FAAP20: variants seen among roughly 807,000 people sequenced by gnomAD.
FAAP20 encodes the protein FA core complex associated protein 20.
A neutral mutation model predicts 16.2 loss-of-function variants in FAAP20; 12 were observed. That is an observed-to-expected ratio of 0.74 (90% CI 0.48 to 1.20). The LOEUF is 1.20. FAAP20 is among the 50% of genes most tolerant of loss of function. FAAP20 has a pLI of 0.00. For missense variants in FAAP20, 288 were observed against 245.8 expected (o/e 1.17, Z -1.15); for synonymous variants, 141 against 110.7 (o/e 1.27, Z -1.72).
chr1:2,192,692 C>T (rs1557779664), intron 3 of FAAP20: 28 of 1,190,548 alleles, frequency 2.4e-5, no homozygotes, highest in Non-Finnish European at 2.9e-5. Context: ...TACTTCACTA[C>T]AGCCTCCAAT....
At chr1:2,196,786 GC>G (rs200339289), upstream of FAAP20, among the ~76,000 whole-genome samples, 2,161 of 152,322 alleles carry the variant, frequency 0.014, 23 homozygotes, top group Non-Finnish European at 0.024. This position sits in a 1 kb window ranked among gnomAD's most constrained non-coding sequence, Gnocchi z 4.5. Context: ...GTTGTGGTGA[GC>G]CAAGATCGCA....
chr1:2,198,284 G>C, upstream of FAAP20: 1 of 840,092 alleles, frequency 1.2e-6, no homozygotes, highest in African/African-American at 1.8e-5. Context: ...TGATCGAGTG[G>C]GTGGGGGCAT....
At chr1:2,187,583 C>T (rs953009638), downstream of FAAP20, among the ~76,000 whole-genome samples, 1 of 152,168 alleles carries the variant, frequency 6.6e-6, no homozygotes, top group Non-Finnish European at 1.5e-5. Flanking sequence ...GGATTACAGG[C>T]GTGAGCTACC....
chr1:2,202,241 G>A (rs545733159), upstream of FAAP20, among the ~76,000 whole-genome samples: 126 of 152,260 alleles, frequency 8.3e-4, no homozygotes, highest in African/African-American at 2.8e-3. Flanking sequence ...CCAGGTACCC[G>A]AGGAGGAGGT....
chr1:2,190,553 G>T, intron 3 of FAAP20: 1 of 385,740 alleles, frequency 2.6e-6, no homozygotes, highest in South Asian at 1.8e-5. Flanking sequence ...CCTGGCCAAG[G>T]TGTGGCCCTG....
Position 2,189,640 on chromosome 1 carries a change from G to C in FAAP20, c.*69C>G, listed in dbSNP as rs527797891. 304 of 1,288,354 alleles carry C rather than the reference G, an allele frequency of 2.4e-4. 2 individuals carry two copies. The African/African-American group carries it at 4.7e-3, about 20-fold the overall frequency. 79.8% of individuals were successfully genotyped at this position (1,288,354 alleles called of 1,614,324 possible). ...GCGGGGCTGCTGGCGGGGGAGCCGA[G>C]AGGCGGGGCTGCTGGCGGGGGAGAG... On this transcript the variant is annotated 3_prime_UTR_variant, in exon 4 of 4. Transcript: ENST00000378546.
downstream of FAAP20, chr1:2,185,614 G>A: frequency 1.5e-6 from 1 of 672,050 alleles, no homozygotes. Flanking sequence ...GGTCTAGGGT[G>A]AAGTGACACC....
chr1:2,186,472 C>T (rs979275660), downstream of FAAP20, among the ~76,000 whole-genome samples: 6 of 151,066 alleles, frequency 4.0e-5, no homozygotes, highest in Non-Finnish European at 7.4e-5. Flanking sequence ...GCCCATTCCC[C>T]CCGGCCCGAG....
At chr1:2,198,332 G>C (rs1276460997), upstream of FAAP20, 2 of 469,294 alleles carry the variant, frequency 4.3e-6, no homozygotes, top group Non-Finnish European at 3.5e-6. Context: ...CCTGCAGACC[G>C]GTGGGCTAGG....
rs1200949054 is a variant in FAAP20, at chr1:2,193,885, G to A, written c.224C>T (p.Thr75Ile). ...GQEPRCGPEP[T>I]EVFTVGPKTF... ...CTTGGGTCCGACAGTGAAGACTTCA[G>A]TGGGCTCCGGGCCGCACCTGGGCTC... The change falls in exon 3 of 4, where the codon ACT (threonine) becomes ATT (isoleucine). Residue 75 changes from threonine (T) to isoleucine (I), a missense_variant. Thr to Ile is a moderately conservative substitution (Grantham distance 89). Coordinates refer to ENST00000378546, the MANE Select transcript of FAAP20 (RefSeq NM_182533.4). 1.2e-5 allele frequency: 19 copies of A among 1,612,336 alleles called. No individual in the cohort carries two copies. The highest frequency in any genetic ancestry group is 1.4e-5 in the Non-Finnish European group (17 of 1,179,834).
chr1:2,204,968 CG>C (rs1431888887), intron 3 of FAAP20, among the ~76,000 whole-genome samples: 1 of 106,196 alleles, frequency 9.4e-6, no homozygotes, highest in Non-Finnish European at 2.0e-5. Context: ...CCCCGCCCCC[CG>C]GGCGCCACGC....
Position 2,193,623 on chromosome 1 carries a change from G to T in FAAP20, c.470+16C>A, listed in dbSNP as rs1688499988. The T allele has an allele frequency of 1.3e-6, 2 of 1,590,220 alleles. No homozygotes were observed. Among genetic ancestry groups the T allele is most frequent in the African/African-American group, 2.7e-5 (2 of 73,508 alleles). On this transcript the variant is annotated intron_variant, in intron 3 of 3. Transcript: ENST00000378546. Reference sequence around the variant, plus strand: ...CGGATGGATAACCGGGCCGGGCGCAGGGGTGGCCTACTCACCTGGGGGCGA... The same window carrying T: ...CGGATGGATAACCGGGCCGGGCGCATGGGTGGCCTACTCACCTGGGGGCGA...
chr1:2,209,445 C>T (rs6695437), downstream of FAAP20, among the ~76,000 whole-genome samples: 934 of 152,336 alleles, frequency 6.1e-3, 8 homozygotes, highest in Non-Finnish European at 9.7e-3. Context: ...AGGAACTCTC[C>T]GCTGTGTCCG....
At chr1:2,207,105 A>G (rs953516008) in intron 1 of FAAP20, among the ~76,000 whole-genome samples, 1 of 152,028 alleles carries the variant, frequency 6.6e-6, no homozygotes, top group Non-Finnish European at 1.5e-5. Context: ...AATGGAGGTG[A>G]GTGGGGGGCC....
intron 3 of FAAP20, chr1:2,192,886 C>T: frequency 7.7e-7 from 1 of 1,301,582 alleles, no homozygotes; most frequent in Non-Finnish European, 1.0e-6. Flanking sequence ...AGGCGTGAGC[C>T]ACCGTGCCCG....
chr1:2,198,891 G>GATCCA (rs1329584240), upstream of FAAP20: 1 of 1,289,682 alleles, frequency 7.8e-7, no homozygotes, highest in African/African-American at 1.5e-5. Context: ...GCATTTATGG[G>GATCCA]ATACGGGAGT....
upstream of FAAP20, chr1:2,198,732 A>G (rs1005455521): frequency 2.3e-5 from 29 of 1,280,452 alleles, no homozygotes; most frequent in Admixed American, 4.9e-4. Context: ...GCACCCACAC[A>G]CGGTGCCCTG....
At chr1:2,198,752 A>G (rs753355875), upstream of FAAP20, 2 of 1,286,996 alleles carry the variant, frequency 1.6e-6, no homozygotes, top group Non-Finnish European at 2.0e-6. Flanking sequence ...GGCAGTGCTC[A>G]CCTGCTGGCA....
At chr1:2,192,772 C>T in intron 3 of FAAP20, 1 of 1,105,686 alleles carries the variant, frequency 9.0e-7, no homozygotes, top group Non-Finnish European at 1.2e-6. Context: ...CGCCACCACG[C>T]CCAGGCATGT....
Sources: gnomAD v4.1 joint callset for allele counts (sites outside exome capture counted in the v4.1 genomes callset) on GRCh38, gnomAD v4.1.1 for gene constraint, Gnocchi (gnomAD v3.1) non-coding constraint, MANE v1.5 for transcripts, NCBI Gene and HGNC (gene_info 2026-07-23, HGNC 2026-07-21) for gene names.